CD101: variants seen among roughly 807,000 people sequenced by gnomAD.
The protein encoded by CD101 is CD101 molecule, also known as immunoglobulin superfamily member 2.
CD101 carries 76 observed loss-of-function variants against 98.2 expected under a neutral mutation model. That is an observed-to-expected ratio of 0.77 (90% CI 0.64 to 0.94). The LOEUF is 0.94. Among genes scored for constraint, CD101 ranks in the 40% least tolerant of loss-of-function variants. CD101 has a pLI of 0.00. For missense variants in CD101, 1,145 were observed against 1,218.8 expected (o/e 0.94, Z 0.90); for synonymous variants, 471 against 472.7 (o/e 1.00, Z 0.05).
intron 1 of CD101, among the ~76,000 whole-genome samples, chr1:117,007,756 A>G (rs578243768): frequency 6.6e-6 from 1 of 152,392 alleles, no homozygotes; most frequent in Admixed American, 6.5e-5. Flanking sequence ...ATCATTCTGT[A>G]TATAGTCACA....
At chr1:117,011,402 G>T in intron 2 of CD101, 148 bp from the exon 3 acceptor site, 1 of 655,156 alleles carries the variant, frequency 1.5e-6, no homozygotes, top group Non-Finnish European at 2.6e-6. Flanking sequence ...TGGCAATAGA[G>T]AAAGCATATG....
intron 8 of CD101, among the ~76,000 whole-genome samples, chr1:117,030,409 G>A (rs200681577): frequency 1.5e-5 from 2 of 132,042 alleles, no homozygotes; most frequent in African/African-American, 5.9e-5. Context: ...CAAACAAAGA[G>A]AGAGAGAGAG....
Position 117,025,533 on chromosome 1 carries a change from T to G in CD101, c.2453T>G (p.Val818Gly). ...PTGSKVRVSKVYWTENVTEHR... is the reference protein window; with the variant it reads ...PTGSKVRVSKGYWTENVTEHR... ...GGAAGTAAGGTACGTGTCTCCAAAG[T>G]GTACTGGACCGAAAATGTGACTGAG... The change falls in exon 8 of 10, where the codon GTG (valine) becomes GGG (glycine). Residue 818 changes from valine to glycine, a missense_variant. Val to Gly is a moderately radical substitution (Grantham distance 109). Transcript: ENST00000682167. 1 of 1,578,512 alleles carries G rather than the reference T, an allele frequency of 6.3e-7. No individual in the cohort carries two copies. The highest frequency in any genetic ancestry group is 8.6e-7 in the Non-Finnish European group (1 of 1,161,484).
Position 117,036,198 on chromosome 1 carries a change from G to A in CD101, c.*64G>A, listed in dbSNP as rs925948804. ...TGCCTTGCTGCCTGTTTCTTCCCAA[G>A]CCCCGTGTGGAATGTGGTGACCTAG... On this transcript the variant is annotated 3_prime_UTR_variant, in exon 10 of 10. Coordinates refer to ENST00000682167, the MANE Select transcript of CD101 (RefSeq NM_001256106.3). The surrounding 1 kb of genome is among the most constrained non-coding windows in gnomAD (Gnocchi z 5.0). 2 of 152,268 alleles carry A rather than the reference G, an allele frequency of 1.3e-5. No homozygotes were observed. The allele number at this position is 152,268 out of a possible 1,614,324, so 9.4% of individuals were successfully genotyped here. A position where few individuals can be genotyped will look rare whatever the true frequency, so the allele number is the denominator to read the frequency against.
chr1:117,020,910 G>A (rs1048137944), intron 6 of CD101, among the ~76,000 whole-genome samples: 3 of 152,196 alleles, frequency 2.0e-5, no homozygotes, highest in Non-Finnish European at 4.4e-5. Flanking sequence ...GAAGATTTGG[G>A]AACAAGGATT....
Position 117,021,201 on chromosome 1 carries a change from G to C in CD101, c.2018-372G>C, listed in dbSNP as rs1317772931. ...ATGAAATATGACAGAAGAGATGCTT[G>C]TGCTTAAATACCGAAGCAGTATCAT... On this transcript the variant is annotated intron_variant, in intron 6 of 9. Coordinates refer to ENST00000682167, the MANE Select transcript of CD101 (RefSeq NM_001256106.3). This position sits in a 1 kb window ranked among gnomAD's most constrained non-coding sequence, Gnocchi z 4.7. 6.6e-6 allele frequency among the ~76,000 whole-genome samples: 1 copy of C among 152,234 alleles called. No homozygotes were observed. Among genetic ancestry groups the C allele is most frequent in the African/African-American group, 2.4e-5 (1 of 41,454 alleles).
chr1:117,016,016 C>T (rs1407196175), intron 4 of CD101, among the ~76,000 whole-genome samples: 1 of 151,956 alleles, frequency 6.6e-6, no homozygotes, highest in Non-Finnish European at 1.5e-5. Context: ...TGAATAAATG[C>T]GTTTGTTGAA....
intron 5 of CD101, 54 bp downstream of exon 5, chr1:117,017,527 G>T (rs2101129941): frequency 6.5e-7 from 1 of 1,538,110 alleles, no homozygotes; most frequent in Non-Finnish European, 8.8e-7. Context: ...AATTCATTCT[G>T]CAGTGGAACT....
Position 117,021,853 on chromosome 1 carries a change from G to A in CD101, c.2298G>A (p.Leu766=), listed in dbSNP as rs1275892996. 1.2e-6 allele frequency: 2 copies of A among 1,614,162 alleles called. No individual in the cohort carries two copies. Among genetic ancestry groups the A allele is most frequent in the South Asian group, 2.2e-5 (2 of 91,078 alleles). The part of the protein sequence containing the change: ...VSQDLFQLHI[L]NVEDSDRGKY... The stretch of plus-strand genomic sequence containing the variant: ...AAGACTTATTTCAGCTGCACATTCT[G>A]AATGTGGAAGACAGCGATCGGGGCA... The change falls in exon 7 of 10, where the codon CTG becomes CTA. Residue 766 remains leucine, a synonymous_variant. Transcript: ENST00000682167. The surrounding 1 kb of genome is among the most constrained non-coding windows in gnomAD (Gnocchi z 4.7).
At chr1:117,031,256 C>T (rs917863183) in intron 8 of CD101, among the ~76,000 whole-genome samples, 4 of 152,180 alleles carry the variant, frequency 2.6e-5, no homozygotes, top group Admixed American at 1.3e-4. Context: ...AGCCTCTTCC[C>T]CACCAAGATA....
intron 8 of CD101, among the ~76,000 whole-genome samples, chr1:117,030,411 G>A (rs1399780182): frequency 7.3e-6 from 1 of 137,518 alleles, no homozygotes; most frequent in African/African-American, 2.8e-5. Context: ...AACAAAGAGA[G>A]AGAGAGAGAA....
In CD101 at chr1:117,026,126, C is replaced by T. The variant is rs182131945; in HGVS notation, c.2824+222C>T. 5.7e-3 allele frequency: 2,720 copies of T among 479,228 alleles called. 16 individuals are homozygous for T. Among genetic ancestry groups the T allele is most frequent in the Non-Finnish European group, 7.6e-3 (2,056 of 271,610 alleles). The allele number at this position is 479,228 out of a possible 1,614,324, so 29.7% of individuals were successfully genotyped here. The stretch of plus-strand genomic sequence containing the variant: ...GATTTTGGCATAGACACTTAAATAT[C>T]GGGAGCATCTGACAGGTCCATGTCT... On this transcript the variant is annotated intron_variant, in intron 8 of 9. Transcript: ENST00000682167.
rs1235752705 is a variant in CD101, at chr1:117,017,112, C to G, written c.1251C>G (p.Thr417=). Reference sequence around the variant, plus strand: ...CAGCAAGAAGTGTGGTCATGTCTACCAAGAACAAGCAGCAAGTTGTGTGGG... The same window carrying G: ...CAGCAAGAAGTGTGGTCATGTCTACGAAGAACAAGCAGCAAGTTGTGTGGG... ...KPAARSVVMS[T]KNKQQVVWEG... The change falls in exon 5 of 10, where the codon ACC becomes ACG. Residue 417 remains threonine (T), a synonymous_variant. Transcript: ENST00000682167. 6.2e-7 allele frequency: 1 copy of G among 1,613,902 alleles called. No individual in the cohort carries two copies. Among genetic ancestry groups the G allele is most frequent in the Non-Finnish European group, 8.5e-7 (1 of 1,179,884 alleles).
chr1:117,010,114 C>CA lies in CD101; in HGVS notation c.309dup (p.Val104SerfsTer17). 6.2e-7 allele frequency: 1 copy of CA among 1,614,190 alleles called. No homozygotes were observed. The highest frequency in any genetic ancestry group is 8.5e-7 in the Non-Finnish European group (1 of 1,180,038). ...TACGTGGAGAGGGTCCAGGGCAACT[C>CA]AGTCTTGTTGCACATCTCAAAACTC... On this transcript the variant is annotated frameshift_variant, in exon 2 of 10. Coordinates refer to ENST00000682167, the MANE Select transcript of CD101 (RefSeq NM_001256106.3). LOFTEE classifies it high-confidence loss of function. This position sits in a 1 kb window ranked among gnomAD's most constrained non-coding sequence, Gnocchi z 5.2.
At position 117,023,937 on chromosome 1, in the gene CD101, C is replaced by T. The variant is rs1004915461; in HGVS notation, c.2429-1572C>T. 3.3e-5 allele frequency among the ~76,000 whole-genome samples: 5 copies of T among 152,068 alleles called. No homozygotes were observed. The highest frequency in any genetic ancestry group is 1.2e-4 in the African/African-American group (5 of 41,414). ...GAAATTGGACTCCAGTAACAAAAAC[C>T]ACATAGAGGACAGAAAAGGACTAGA... On this transcript the variant is annotated intron_variant, in intron 7 of 9. Coordinates refer to ENST00000682167, the MANE Select transcript of CD101 (RefSeq NM_001256106.3). This position sits in a 1 kb window ranked among gnomAD's most constrained non-coding sequence, Gnocchi z 4.4.
Position 117,019,267 on chromosome 1 carries a change from A to G in CD101, c.2017+707A>G, listed in dbSNP as rs1054984170. 1.3e-5 allele frequency among the ~76,000 whole-genome samples: 2 copies of G among 152,170 alleles called. No homozygotes were observed. The highest frequency in any genetic ancestry group is 2.9e-5 in the Non-Finnish European group (2 of 68,032). ...CACTTAATCTGCTGAAGCCTTAGTTACCTGATCTGTAAATTGTTAATGTGC... is the reference window on the plus strand; with the variant it reads ...CACTTAATCTGCTGAAGCCTTAGTTGCCTGATCTGTAAATTGTTAATGTGC... On this transcript the variant is annotated intron_variant, in intron 6 of 9. Coordinates refer to ENST00000682167, the MANE Select transcript of CD101 (RefSeq NM_001256106.3). The surrounding 1 kb of genome is among the most constrained non-coding windows in gnomAD (Gnocchi z 4.3).
Position 117,012,672 on chromosome 1 carries a change from G to C in CD101, c.841+706G>C, listed in dbSNP as rs1427821991. Among the ~76,000 whole-genome samples, 2 of 152,008 alleles carry C rather than the reference G, an allele frequency of 1.3e-5. No individual in the cohort carries two copies. Among genetic ancestry groups the C allele is most frequent in the Non-Finnish European group, 2.9e-5 (2 of 67,990 alleles). On this transcript the variant is annotated intron_variant, in intron 3 of 9. Coordinates refer to ENST00000682167, the MANE Select transcript of CD101 (RefSeq NM_001256106.3). This position sits in a 1 kb window ranked among gnomAD's most constrained non-coding sequence, Gnocchi z 4.0. ...ATCCTCCTGCCTTGGCCTCCCAAAGGGCTGGGATTTCAGGCGTGAGCCACC... is the reference window on the plus strand; with the variant it reads ...ATCCTCCTGCCTTGGCCTCCCAAAGCGCTGGGATTTCAGGCGTGAGCCACC...
chr1:117,027,491 G>A (rs1299307091), intron 8 of CD101, among the ~76,000 whole-genome samples: 2 of 152,148 alleles, frequency 1.3e-5, no homozygotes, highest in African/African-American at 4.8e-5. Flanking sequence ...TCATGAAAAG[G>A]AAGAAACATA....
intron 4 of CD101, among the ~76,000 whole-genome samples, chr1:117,016,690 C>G (rs965621258): frequency 6.6e-6 from 1 of 152,166 alleles, no homozygotes. Context: ...GAGACCGTAT[C>G]TCTACAGAAA....
Sources: allele counts gnomAD v4.1 joint callset (sites outside exome capture counted in the v4.1 genomes callset), GRCh38; gene constraint gnomAD v4.1.1; non-coding constraint Gnocchi (gnomAD v3.1); transcripts MANE v1.5; gene names NCBI Gene and HGNC (gene_info 2026-07-23, HGNC 2026-07-21).